Variants in NUTM2B observed in about 807,000 individuals in gnomAD.
The protein encoded by NUTM2B is NUT family member 2B, also known as family with sequence similarity 22, member B.
In NUTM2B, 2 loss-of-function variants were observed where a neutral mutation model predicts 42.4. The observed-to-expected ratio is 0.05, with a 90% CI of 0.02 to 0.15. The LOEUF is 0.15. NUTM2B is among the 10% of genes least tolerant of loss of function. The pLI, the probability that NUTM2B is intolerant of heterozygous loss-of-function variation, is 1.00. For synonymous variants in NUTM2B, 18 were observed against 402.4 expected (o/e 0.04, Z 11.43); for missense variants, 58 against 952.6 (o/e 0.06, Z 12.36).
chr10:79,692,281 C>G, the NUTM2B span, among the ~76,000 whole-genome samples: 1 of 152,210 alleles, frequency 6.6e-6, no homozygotes, highest in Non-Finnish European at 1.5e-5. Flanking sequence ...TACAGTACAG[C>G]CTTCACTGCT....
At chr10:79,695,661 G>A in the NUTM2B span, among the ~76,000 whole-genome samples, 5 of 151,964 alleles carry the variant, frequency 3.3e-5, no homozygotes, top group Non-Finnish European at 4.4e-5. Flanking sequence ...GGGTGTCCTC[G>A]TCACTCGCCA....
chr10:79,693,466 T>C, the NUTM2B span, among the ~76,000 whole-genome samples: 1 of 152,288 alleles, frequency 6.6e-6, no homozygotes, highest in South Asian at 2.1e-4. Flanking sequence ...TAGAGAGAAG[T>C]GGGTGGTGCA....
the NUTM2B span, among the ~76,000 whole-genome samples, chr10:79,693,550 T>A: frequency 0.029 from 4,349 of 152,300 alleles, 96 homozygotes; most frequent in Non-Finnish European, 0.043. Context: ...CCTCAGCGAT[T>A]CTAGCAATTG....
At chr10:79,700,939 C>A (rs549814373), upstream of NUTM2B, among the ~76,000 whole-genome samples, 1 of 152,214 alleles carries the variant, frequency 6.6e-6, no homozygotes, top group Admixed American at 6.5e-5. Flanking sequence ...CCTCCATGAC[C>A]GTGCCTCTGA....
rs1357823391 is a variant in NUTM2B, at chr10:79,712,040, A to C, written c.2192A>C (p.Lys731Thr). 23 of 1,408,238 alleles carry C rather than the reference A, an allele frequency of 1.6e-5. 6 individuals carry two copies. The highest frequency in any genetic ancestry group is 2.0e-5 in the Non-Finnish European group (21 of 1,059,204). 87.2% of individuals were successfully genotyped at this position (1,408,238 alleles called of 1,614,324 possible). ...CCCACCTGCCCTGGCGTGGGTACCAAGGATGCCTTGGATCTCCCTGGAGGG... is the reference window on the plus strand; with the variant it reads ...CCCACCTGCCCTGGCGTGGGTACCACGGATGCCTTGGATCTCCCTGGAGGG... Residue 731 changes from lysine to threonine, a missense_variant, in exon 7 of 7, where the codon AAG becomes ACG. By Grantham distance (78) the Lys-to-Thr change is moderately conservative. Transcript: ENST00000429828.
intron 5 of NUTM2B, among the ~76,000 whole-genome samples, 162 bp downstream of exon 5, chr10:79,710,926 TTG>T (rs1840480209): frequency 7.5e-6 from 1 of 133,720 alleles, no homozygotes; most frequent in African/African-American, 2.8e-5. Flanking sequence ...TGCTGTGTGT[TTG>T]TGTCTGTGGT....
At chr10:79,699,372 A>G (rs1033063013), upstream of NUTM2B, among the ~76,000 whole-genome samples, 7 of 151,910 alleles carry the variant, frequency 4.6e-5, no homozygotes, top group Admixed American at 3.9e-4. Flanking sequence ...TCTGGTATAC[A>G]TATCTTACAT....
the NUTM2B span, among the ~76,000 whole-genome samples, chr10:79,695,255 T>C: frequency 2.0e-5 from 3 of 152,246 alleles, no homozygotes; most frequent in Non-Finnish European, 2.9e-5. Flanking sequence ...TTGTGAAGAC[T>C]AGATGACACC....
At position 79,710,950 on chromosome 10, in the gene NUTM2B, T is replaced by C. The variant is rs548171748; in HGVS notation, c.1734+186T>C. Reference sequence around the variant, plus strand: ...TTTGTGTCTGTGGTTTGTTACTGTGTGTCTTTGTGTGTCTGTGTAGGTGTG... The same window carrying C: ...TTTGTGTCTGTGGTTTGTTACTGTGCGTCTTTGTGTGTCTGTGTAGGTGTG... On this transcript the variant is annotated intron_variant, in intron 5 of 6. Coordinates refer to ENST00000429828, the Ensembl canonical transcript of NUTM2B. 3.0e-5 allele frequency among the ~76,000 whole-genome samples: 4 copies of C among 134,228 alleles called. No homozygotes were observed. The East Asian group carries it at 9.7e-4, about 33-fold the overall frequency. The allele number at this position is 134,228 out of a possible 152,430, so 88.1% of individuals were successfully genotyped here.
the NUTM2B span, among the ~76,000 whole-genome samples, chr10:79,698,213 C>A: frequency 6.7e-6 from 1 of 150,252 alleles, no homozygotes; most frequent in Non-Finnish European, 1.5e-5. Context: ...AATATACGCA[C>A]ACAACTTTCA....
At chr10:79,693,017 A>G in the NUTM2B span, among the ~76,000 whole-genome samples, 5 of 152,208 alleles carry the variant, frequency 3.3e-5, no homozygotes, top group Admixed American at 6.5e-5. Context: ...TCTTGTGTGT[A>G]GAGGGGCTTC....
chr10:79,699,940 C>G (rs1431706900), upstream of NUTM2B, among the ~76,000 whole-genome samples: 7 of 152,256 alleles, frequency 4.6e-5, no homozygotes, highest in Non-Finnish European at 1.0e-4. Context: ...TCCTGACATT[C>G]TCAAGTACAC....
chr10:79,709,639 C>T (rs546145716), intron 3 of NUTM2B, among the ~76,000 whole-genome samples, 161 bp from the exon 4 acceptor site: 1 of 133,156 alleles, frequency 7.5e-6, no homozygotes, highest in South Asian at 3.1e-4. Context: ...GCCCGGAACT[C>T]TGGGAGCAGT....
At chr10:79,693,607 C>T in the NUTM2B span, among the ~76,000 whole-genome samples, 2 of 152,208 alleles carry the variant, frequency 1.3e-5, no homozygotes, top group Non-Finnish European at 2.9e-5. Context: ...GATTCAAGAC[C>T]AAGAGACACA....
At chr10:79,712,358 G>A in exon 7 of NUTM2B, 1 of 1,415,830 alleles carries the variant, frequency 7.1e-7, no homozygotes, top group African/African-American at 2.1e-5. Flanking sequence ...CCCTACCCAG[G>A]GCCTGGGCTC....
At chr10:79,698,978 T>A (rs1264083559), upstream of NUTM2B, among the ~76,000 whole-genome samples, 2 of 152,154 alleles carry the variant, frequency 1.3e-5, no homozygotes, top group African/African-American at 4.8e-5. Flanking sequence ...AACTCCTCCA[T>A]CTTCCAAGAC....
upstream of NUTM2B, among the ~76,000 whole-genome samples, chr10:79,699,400 T>C (rs1228017031): frequency 6.6e-6 from 1 of 151,984 alleles, no homozygotes; most frequent in Admixed American, 6.6e-5. Context: ...TCTCCAAATA[T>C]AAACTCTCAC....
At chr10:79,699,995 T>TTAGATAC (rs1356794623), upstream of NUTM2B, among the ~76,000 whole-genome samples, 3 of 152,262 alleles carry the variant, frequency 2.0e-5, no homozygotes, top group Non-Finnish European at 4.4e-5. Context: ...GCAGTAAATT[T>TTAGATAC]TAGATACATG....
At chr10:79,700,640 C>G (rs890490301), upstream of NUTM2B, among the ~76,000 whole-genome samples, 5 of 152,068 alleles carry the variant, frequency 3.3e-5, no homozygotes, top group African/African-American at 1.2e-4. Context: ...TCACCCTTGG[C>G]TTTATTTTTA....
Sources: allele counts gnomAD v4.1 joint callset (sites outside exome capture counted in the v4.1 genomes callset), GRCh38; gene constraint gnomAD v4.1.1; transcripts MANE v1.5; gene names NCBI Gene and HGNC (gene_info 2026-07-23, HGNC 2026-07-21).